Variants in MED12L observed in about 807,000 individuals in gnomAD.
MED12L encodes mediator of RNA polymerase II transcription subunit 12-like protein.
In MED12L, 60 loss-of-function variants were observed where a neutral mutation model predicts 281.3. The ratio of observed to expected loss-of-function variants is 0.21; its 90% CI spans 0.17 to 0.26. The LOEUF (loss-of-function observed/expected upper bound fraction) is 0.26, where lower values mean the gene tolerates loss of function less well. Among genes scored for constraint, MED12L ranks in the 10% least tolerant of loss-of-function variants. The pLI is 1.00. For missense variants in MED12L, 2,146 were observed against 2,680.9 expected (o/e 0.80, Z 4.41); for synonymous variants, 974 against 987.2 (o/e 0.99, Z 0.25).
chr3:151,355,192 A>G lies in MED12L; in HGVS notation c.2470A>G (p.Lys824Glu). 1 of 1,614,014 alleles carries G rather than the reference A, an allele frequency of 6.2e-7. No homozygotes were observed. Among genetic ancestry groups the G allele is most frequent in the Non-Finnish European group, 8.5e-7 (1 of 1,179,920 alleles). The change falls in exon 18 of 45, where the codon AAA becomes GAA. Residue 824 changes from lysine (K) to glutamate (E), a missense_variant. Lys to Glu is a moderately conservative substitution (Grantham distance 56, BLOSUM62 1). Coordinates refer to ENST00000687756, the MANE Select transcript of MED12L (RefSeq NM_001393769.1). ...TCCAACACTGGAGACTGTGTTCACTAAACTCCAGCTCCTTTCATATTTTGA... is the reference window on the plus strand; with the variant it reads ...TCCAACACTGGAGACTGTGTTCACTGAACTCCAGCTCCTTTCATATTTTGA... Reference protein sequence around the residue: ...TFPTLETVFTKLQLLSYFDQH... With the variant: ...TFPTLETVFTELQLLSYFDQH...
At chr3:151,397,114 AT>A (rs1250844678) in intron 39 of MED12L, among the ~76,000 whole-genome samples, 3 of 151,662 alleles carry the variant, frequency 2.0e-5, no homozygotes, top group Admixed American at 1.3e-4. Context: ...ACAGTGTTGG[AT>A]TTTTTTTCTT....
chr3:151,339,098 TA>T (rs776935558), intron 16 of MED12L, among the ~76,000 whole-genome samples: 18 of 152,344 alleles, frequency 1.2e-4, no homozygotes, highest in Non-Finnish European at 2.2e-4. Flanking sequence ...AGATGCTTAG[TA>T]TTTTTTTATT....
Position 151,156,201 on chromosome 3 carries a change from G to A in MED12L, c.597G>A (p.Leu199=). 1 of 1,612,406 alleles carries A rather than the reference G, an allele frequency of 6.2e-7. No homozygotes were observed. Among genetic ancestry groups the A allele is most frequent in the Non-Finnish European group, 8.5e-7 (1 of 1,179,356 alleles). The stretch of plus-strand genomic sequence containing the variant: ...CTACCAGATATCTTCGAGAGCAGTT[G>A]GCCAAGATTTCTGACTTTTACCACA... ...QISTRYLREQ[L]AKISDFYHMA... is the part of the protein sequence containing the mutation. Residue 199 remains leucine (L), a synonymous_variant, in exon 6 of 45, where the codon TTG becomes TTA. Transcript: ENST00000687756.
At chr3:151,205,135 A>G (rs780101068) in intron 16 of MED12L, among the ~76,000 whole-genome samples, 11 of 152,326 alleles carry the variant, frequency 7.2e-5, no homozygotes, top group Middle Eastern at 3.4e-3. Context: ...TTGATTTTCT[A>G]TAAGCCACTT....
At chr3:151,213,993 G>A (rs200355187) in intron 16 of MED12L, 100 of 1,613,888 alleles carry the variant, frequency 6.2e-5, no homozygotes, top group Non-Finnish European at 1.5e-5. Context: ...AGAACACAAT[G>A]CTGACGTACA....
At position 151,387,821 on chromosome 3, in the gene MED12L, C is replaced by G. The variant is rs752949559; in HGVS notation, c.5100C>G (p.Val1700=). ...CTATTTTCCCACAGGGTCTCCAGGT[C>G]TCTACGAAGCAGAAGGTGTCCCCGT... ...DSIDKKQGLQ[V]STKQKVSPWD... is the part of the protein sequence containing the mutation. Residue 1700 remains valine, a synonymous_variant, in exon 37 of 45, where the codon GTC becomes GTG. Coordinates refer to ENST00000687756, the MANE Select transcript of MED12L (RefSeq NM_001393769.1). 8.7e-6 allele frequency: 14 copies of G among 1,611,980 alleles called. No homozygotes were observed. The South Asian group carries it at 1.4e-4, about 16-fold the overall frequency.
At position 151,436,448 on chromosome 3, in the gene MED12L, T is replaced by G; in HGVS notation, c.*3644T>G. ...AGTGAACCGTTTCAATGTTTGTTTA[T>G]TGTTATTTGTTGGCAAAATAAAAGT... On this transcript the variant is annotated 3_prime_UTR_variant, in exon 45 of 45. Coordinates refer to ENST00000687756, the MANE Select transcript of MED12L (RefSeq NM_001393769.1). 5.3e-6 allele frequency: 2 copies of G among 378,074 alleles called. No homozygotes were observed. The highest frequency in any genetic ancestry group is 4.7e-6 in the Non-Finnish European group (1 of 211,534). The allele number at this position is 378,074 out of a possible 1,614,324, so 23.4% of individuals were successfully genotyped here.
At chr3:151,392,280 A>G (rs1201235695) in intron 38 of MED12L, among the ~76,000 whole-genome samples, 2 of 152,040 alleles carry the variant, frequency 1.3e-5, no homozygotes, top group Non-Finnish European at 1.5e-5. Flanking sequence ...CCTGGCCAAT[A>G]TGGTGAAACC....
intron 2 of MED12L, among the ~76,000 whole-genome samples, chr3:151,108,940 A>T (rs942584471): frequency 2.0e-5 from 3 of 152,216 alleles, no homozygotes; most frequent in South Asian, 2.1e-4. Context: ...GAAACATTTC[A>T]TTGAAATTAA....
At chr3:151,330,101 TA>T (rs1317677266) in intron 16 of MED12L, among the ~76,000 whole-genome samples, 9 of 152,202 alleles carry the variant, frequency 5.9e-5, no homozygotes, top group Non-Finnish European at 1.2e-4. Context: ...AGATTATAGA[TA>T]AATGATTCAA....
chr3:151,160,320 T>C (rs1245297512), intron 8 of MED12L, among the ~76,000 whole-genome samples: 1 of 152,194 alleles, frequency 6.6e-6, no homozygotes, highest in African/African-American at 2.4e-5. Flanking sequence ...ATTGCAGTTG[T>C]CCTTTATTAG....
intron 5 of MED12L, among the ~76,000 whole-genome samples, chr3:151,148,107 C>G (rs537925890): frequency 6.6e-6 from 1 of 152,294 alleles, no homozygotes; most frequent in South Asian, 2.1e-4. Context: ...TCTCTATCGG[C>G]TAATGGTGTT....
At chr3:151,191,908 A>C (rs530592782) in intron 14 of MED12L, among the ~76,000 whole-genome samples, 8 of 152,126 alleles carry the variant, frequency 5.3e-5, no homozygotes, top group East Asian at 3.9e-4. Context: ...CTGTCTCAAA[A>C]AAACAAACAA....
chr3:151,426,284 T>C lies in MED12L; in HGVS notation c.6409-4015T>C, dbSNP rs145177726. Among the ~76,000 whole-genome samples, 758 of 152,316 alleles carry C rather than the reference T, an allele frequency of 5.0e-3. 8 individuals carry two copies. The highest frequency in any genetic ancestry group is 0.017 in the African/African-American group (727 of 41,568). ...GAGGAGTCCCGGGAGGATAATCCTT[T>C]AAATTTCCCCCAGTGATTTTGTGCT... On this transcript the variant is annotated intron_variant, in intron 43 of 44. Coordinates refer to ENST00000687756, the MANE Select transcript of MED12L (RefSeq NM_001393769.1).
At chr3:151,086,049 A>AG (rs1056465799) in intron 1 of MED12L, 113 bp downstream of exon 1, 3 of 152,136 alleles carry the variant, frequency 2.0e-5, no homozygotes, top group African/African-American at 7.2e-5. Context: ...CGGCGCTCAC[A>AG]GCCATCGCTC....
At chr3:151,305,073 T>G (rs1368279428) in intron 16 of MED12L, among the ~76,000 whole-genome samples, 1 of 152,208 alleles carries the variant, frequency 6.6e-6, no homozygotes, top group Non-Finnish European at 1.5e-5. Flanking sequence ...GCCTGCTGTC[T>G]TTCTGAATGA....
intron 16 of MED12L, among the ~76,000 whole-genome samples, chr3:151,275,155 G>T (rs570019112): frequency 6.6e-6 from 1 of 152,230 alleles, no homozygotes; most frequent in Middle Eastern, 3.4e-3. Flanking sequence ...GGCTATAAGT[G>T]ATGTGATGAA....
chr3:151,086,883 C>T lies in MED12L; in HGVS notation c.-44C>T, dbSNP rs747652029. The T allele has an allele frequency of 2.0e-6, 3 of 1,496,602 alleles. No homozygotes were observed. The highest frequency in any genetic ancestry group is 9.1e-7 in the Non-Finnish European group (1 of 1,104,436). 92.7% of individuals were successfully genotyped at this position (1,496,602 alleles called of 1,614,324 possible). A position where few individuals can be genotyped will look rare whatever the true frequency, so the allele number is the denominator to read the frequency against. ...TCCCTGGTGCTCAGAGGCGGCTGCT[C>T]CAGCTCCAACTCTCATTCATTTCGC... On this transcript the variant is annotated 5_prime_UTR_variant, in exon 2 of 45. Coordinates refer to ENST00000687756, the MANE Select transcript of MED12L (RefSeq NM_001393769.1).
chr3:151,287,286 C>T (rs530954402), intron 16 of MED12L, among the ~76,000 whole-genome samples: 1 of 152,268 alleles, frequency 6.6e-6, no homozygotes, highest in East Asian at 1.9e-4. Flanking sequence ...AGGTGGGATA[C>T]AGGTCTGCCT....
Sources: allele counts gnomAD v4.1 joint callset (sites outside exome capture counted in the v4.1 genomes callset), GRCh38; gene constraint gnomAD v4.1.1; transcripts MANE v1.5; gene names NCBI Gene and HGNC (gene_info 2026-07-23, HGNC 2026-07-21).